GRXCR2: variants seen among roughly 807,000 people sequenced by gnomAD.
GRXCR2 encodes glutaredoxin domain-containing cysteine-rich protein 2.
In GRXCR2, 23 loss-of-function variants were observed where a neutral mutation model predicts 24.8. The ratio of observed to expected loss-of-function variants is 0.93; its 90% CI spans 0.67 to 1.32. GRXCR2 has a LOEUF of 1.32. Ranked by LOEUF, GRXCR2 falls within the 40% of genes most tolerant of loss-of-function variation. GRXCR2 has a pLI of 0.00. For missense variants in GRXCR2, 315 were observed against 303.4 expected (o/e 1.04, Z -0.28); for synonymous variants, 130 against 116.1 (o/e 1.12, Z -0.77).
chr5:145,922,479 C>T (rs1345594651), intron 2 of GRXCR2, among the ~76,000 whole-genome samples: 2 of 152,156 alleles, frequency 1.3e-5, no homozygotes, highest in Admixed American at 6.5e-5. Context: ...TCTGTGTCAC[C>T]TCCTAAGCTG....
intron 2 of GRXCR2, among the ~76,000 whole-genome samples, chr5:145,889,594 T>C (rs1279065400): frequency 6.6e-6 from 1 of 151,948 alleles, no homozygotes; most frequent in Non-Finnish European, 1.5e-5. Context: ...GAAAAATAAA[T>C]ACAAAAATTA....
At position 145,902,898 on chromosome 5, in the gene GRXCR2, G is replaced by A. The variant is rs539007899; in HGVS notation, c.-70+32803C>T. Among the ~76,000 whole-genome samples, 20 of 152,144 alleles carry A rather than the reference G, an allele frequency of 1.3e-4. No individual in the cohort carries two copies. The South Asian group carries it at 2.1e-3, about 16-fold the overall frequency. On this transcript the variant is annotated intron_variant, in intron 2 of 3. Transcript: ENST00000639411. ...GGAGACCTTGGAGGGGTTTGAGTGC[G>A]CCCCCAAGGTCACAAAGGCATAAGC...
At chr5:145,914,704 C>CTGAT in intron 2 of GRXCR2, among the ~76,000 whole-genome samples, 1 of 127,946 alleles carries the variant, frequency 7.8e-6, no homozygotes, top group East Asian at 2.5e-4. Flanking sequence ...AAAAAAAAAT[C>CTGAT]TGATTGAGTT....
At chr5:145,919,935 TA>T (rs1001966821) in intron 2 of GRXCR2, among the ~76,000 whole-genome samples, 1 of 152,124 alleles carries the variant, frequency 6.6e-6, no homozygotes, top group Non-Finnish European at 1.5e-5. Flanking sequence ...ATTTGTTTTT[TA>T]GTCTGTTCTG....
intron 2 of GRXCR2, among the ~76,000 whole-genome samples, chr5:145,895,613 T>C (rs1464366480): frequency 6.6e-6 from 1 of 152,144 alleles, no homozygotes; most frequent in Non-Finnish European, 1.5e-5. Flanking sequence ...TACAAACCAC[T>C]GCTCAATGAA....
chr5:145,915,947 G>A (rs1313849605), intron 2 of GRXCR2, among the ~76,000 whole-genome samples: 1 of 152,144 alleles, frequency 6.6e-6, no homozygotes, highest in African/African-American at 2.4e-5. Flanking sequence ...TAGCTCAAAT[G>A]CACAACTGGT....
chr5:145,863,564 T>C (rs1756376101), intron 2 of GRXCR2, among the ~76,000 whole-genome samples: 1 of 152,198 alleles, frequency 6.6e-6, no homozygotes, highest in Non-Finnish European at 1.5e-5. Flanking sequence ...CAACTTACAA[T>C]ATAGTATGAT....
chr5:145,928,865 C>T (rs1393372599), intron 2 of GRXCR2, among the ~76,000 whole-genome samples: 1 of 151,540 alleles, frequency 6.6e-6, no homozygotes, highest in Non-Finnish European at 1.5e-5. Context: ...AACTAACCTG[C>T]ACATGTTGTG....
intron 1 of GRXCR2, among the ~76,000 whole-genome samples, chr5:145,868,180 G>T (rs1756467295): frequency 6.6e-6 from 1 of 152,050 alleles, no homozygotes; most frequent in Non-Finnish European, 1.5e-5. Flanking sequence ...TATGCAGATT[G>T]TGAGAACTGT....
intron 2 of GRXCR2, among the ~76,000 whole-genome samples, chr5:145,917,637 A>G (rs1310847230): frequency 6.6e-6 from 1 of 152,150 alleles, no homozygotes; most frequent in Admixed American, 6.5e-5. Context: ...CACCTGTCAC[A>G]TCCTCAAGAT....
At chr5:145,869,395 T>C (rs1284080616) in intron 1 of GRXCR2, among the ~76,000 whole-genome samples, 3 of 152,172 alleles carry the variant, frequency 2.0e-5, no homozygotes, top group Non-Finnish European at 2.9e-5. Flanking sequence ...TTGCTTAAAA[T>C]ATTTTTATTA....
chr5:145,927,666 T>G (rs1019390511), intron 2 of GRXCR2, among the ~76,000 whole-genome samples: 2 of 152,192 alleles, frequency 1.3e-5, no homozygotes, highest in Non-Finnish European at 2.9e-5. Context: ...TTGATGTTCA[T>G]CAGGGATATT....
chr5:145,897,028 G>A (rs563888436), intron 2 of GRXCR2, among the ~76,000 whole-genome samples: 1 of 149,880 alleles, frequency 6.7e-6, no homozygotes, highest in Admixed American at 6.7e-5. Context: ...GCAAACTATC[G>A]CAAGGACAAA....
chr5:145,868,078 T>A (rs1379110424), intron 1 of GRXCR2, among the ~76,000 whole-genome samples: 1 of 152,220 alleles, frequency 6.6e-6, no homozygotes, highest in African/African-American at 2.4e-5. Context: ...TCCCTGAGGC[T>A]AATTATATCA....
At chr5:145,877,612 G>A (rs566556229), upstream of GRXCR2, among the ~76,000 whole-genome samples, 1 of 152,316 alleles carries the variant, frequency 6.6e-6, no homozygotes, top group East Asian at 1.9e-4. Flanking sequence ...GGCCGAATAG[G>A]AACAGCTCCA....
chr5:145,912,333 G>T (rs937608716), intron 2 of GRXCR2, among the ~76,000 whole-genome samples: 3 of 152,118 alleles, frequency 2.0e-5, no homozygotes, highest in African/African-American at 7.2e-5. Flanking sequence ...GAGCTAAAAA[G>T]GGGGTTCTTA....
intron 2 of GRXCR2, among the ~76,000 whole-genome samples, chr5:145,865,350 C>T (rs968802647): frequency 9.2e-5 from 14 of 152,148 alleles, no homozygotes; most frequent in African/African-American, 2.2e-4. Flanking sequence ...TGTGAATGAA[C>T]GAATATCAGC....
intron 2 of GRXCR2, among the ~76,000 whole-genome samples, chr5:145,927,814 G>A (rs1044911677): frequency 3.3e-5 from 5 of 152,078 alleles, no homozygotes; most frequent in African/African-American, 1.2e-4. Context: ...AGAAAACCTA[G>A]GCAATAACAT....
chr5:145,864,523 G>A (rs541117004), intron 2 of GRXCR2, among the ~76,000 whole-genome samples: 1 of 152,256 alleles, frequency 6.6e-6, no homozygotes, highest in African/African-American at 2.4e-5. Flanking sequence ...CCTGGTGGAA[G>A]GTGATTGGAT....
Sources: gnomAD v4.1 joint callset for allele counts (sites outside exome capture counted in the v4.1 genomes callset) on GRCh38, gnomAD v4.1.1 for gene constraint, MANE v1.5 for transcripts, NCBI Gene and HGNC (gene_info 2026-07-23, HGNC 2026-07-21) for gene names.